The following WDR64 variants were observed in gnomAD, a reference collection of about 807,000 sequenced individuals.
WDR64 encodes the protein WD repeat-containing protein 64.
In WDR64, 112 loss-of-function variants were observed where a neutral mutation model predicts 139.3. That is an observed-to-expected ratio of 0.80 (90% confidence interval 0.69 to 0.94). WDR64 has a LOEUF of 0.94. WDR64 is among the 40% of genes least tolerant of loss of function. WDR64 has a pLI of 0.00. For synonymous variants in WDR64, 444 were observed against 437.7 expected (o/e 1.01, Z -0.18); for missense variants, 1,206 against 1,293.1 (o/e 0.93, Z 1.03).
chr1:241,784,976 A>AAAAAAAAAAAAAAAAAAAG (rs138513526), intron 23 of WDR64, among the ~76,000 whole-genome samples: 2,687 of 98,008 alleles, frequency 0.027, 454 homozygotes, highest in Non-Finnish European at 0.041. Flanking sequence ...AAAAAAAAAA[A>AAAAAAAAAAAAAAAAAAAG]GAAAGGACAT....
chr1:241,661,397 A>C (rs1415890161), intron 2 of WDR64, among the ~76,000 whole-genome samples: 1 of 151,956 alleles, frequency 6.6e-6, no homozygotes, highest in East Asian at 1.9e-4. Flanking sequence ...AAAGATAGCC[A>C]AATCCCCCAC....
chr1:241,773,048 T>C (rs1658521479), intron 20 of WDR64, 117 bp downstream of exon 20: 1 of 1,254,604 alleles, frequency 8.0e-7, no homozygotes, highest in Non-Finnish European at 1.0e-6. Flanking sequence ...TTCAACTTTC[T>C]AGCCAAATTG....
chr1:241,733,777 G>T (rs7367532), intron 10 of WDR64, among the ~76,000 whole-genome samples: 1 of 151,628 alleles, frequency 6.6e-6, no homozygotes, highest in South Asian at 2.1e-4. Flanking sequence ...TATCTCTGTC[G>T]TAAAGCCACT....
At chr1:241,705,549 AT>A (rs1187686182) in intron 8 of WDR64, among the ~76,000 whole-genome samples, 2 of 73,878 alleles carry the variant, frequency 2.7e-5, no homozygotes, top group African/African-American at 1.1e-4. Context: ...CTCTAAAAAA[AT>A]AAATAAATAA....
In WDR64 at chr1:241,687,489, G is replaced by A. The variant is rs1667052916; in HGVS notation, c.868G>A (p.Val290Ile). ...SVKRKLHNDW[V>I]MKIRYISALN... ...TAAAAGGAAGCTACATAATGACTGG[G>A]TTATGAAAATTAGATATATTTCAGC... Residue 290 changes from valine (V) to isoleucine (I), a missense_variant, in exon 8 of 28, where the codon GTT becomes ATT. Val to Ile is a conservative substitution (Grantham distance 29, BLOSUM62 3). Coordinates refer to ENST00000437684, the MANE Select transcript of WDR64 (RefSeq NM_001367482.1). The A allele has an allele frequency of 1.2e-6, 2 of 1,613,836 alleles. No homozygotes were observed. Among genetic ancestry groups the A allele is most frequent in the African/African-American group, 1.3e-5 (1 of 74,996 alleles).
rs372918720 is a variant in WDR64, at chr1:241,747,929, T to C, written c.1595-1618T>C. On this transcript the variant is annotated intron_variant, in intron 13 of 27. Transcript: ENST00000437684. The stretch of plus-strand genomic sequence containing the variant: ...TGTAAGAATTGCTGAGATCTGAGTG[T>C]AGGATAGCATGAGAGTACAGCGCTT... Among the ~76,000 whole-genome samples the C allele has an allele frequency of 6.4e-4, 97 of 152,264 alleles. 3 individuals carry two copies. In the South Asian group the frequency reaches 0.019, roughly 30 times the overall value.
intron 14 of WDR64, among the ~76,000 whole-genome samples, chr1:241,754,705 C>T (rs1413692517): frequency 6.6e-6 from 1 of 152,044 alleles, no homozygotes; most frequent in Non-Finnish European, 1.5e-5. Context: ...TTTCTCCTAA[C>T]ACCATTGCTC....
chr1:241,661,919 C>T (rs1223057256), intron 2 of WDR64, among the ~76,000 whole-genome samples: 1 of 152,178 alleles, frequency 6.6e-6, no homozygotes, highest in East Asian at 1.9e-4. Context: ...TGCTTCTGTG[C>T]TACAATAGGA....
chr1:241,669,482 G>A (rs1666142022), intron 2 of WDR64, among the ~76,000 whole-genome samples: 1 of 152,148 alleles, frequency 6.6e-6, no homozygotes, highest in African/African-American at 2.4e-5. Flanking sequence ...ATTAAACCTA[G>A]AGGGTTTTGT....
intron 9 of WDR64, among the ~76,000 whole-genome samples, chr1:241,722,858 G>T (rs926157979): frequency 2.6e-5 from 4 of 152,092 alleles, no homozygotes; most frequent in Admixed American, 2.0e-4. Context: ...GACAACAGTT[G>T]ATTTGTTATA....
intron 1 of WDR64, among the ~76,000 whole-genome samples, chr1:241,655,717 T>TTTTC (rs1301591991): frequency 3.9e-5 from 6 of 151,966 alleles, no homozygotes; most frequent in Non-Finnish European, 8.8e-5. Flanking sequence ...TTTTTTTTTT[T>TTTTC]TGATGCCTGT....
rs183348583 is a variant in WDR64, at chr1:241,737,680, C to T, written c.1195-683C>T. On this transcript the variant is annotated intron_variant, in intron 10 of 27. Coordinates refer to ENST00000437684, the MANE Select transcript of WDR64 (RefSeq NM_001367482.1). The stretch of plus-strand genomic sequence containing the variant: ...AAGCAGAATAGTGAAGAGGCTAAGA[C>T]CAGTTCTTTCAGATCACAGACTTAA... Among the ~76,000 whole-genome samples, 20 of 152,266 alleles carry T rather than the reference C, an allele frequency of 1.3e-4. No individual in the cohort carries two copies. In the South Asian group the frequency reaches 3.3e-3, roughly 25 times the overall value.
chr1:241,738,905 G>A (rs942593613), intron 11 of WDR64, among the ~76,000 whole-genome samples: 1 of 152,202 alleles, frequency 6.6e-6, no homozygotes, highest in Non-Finnish European at 1.5e-5. Flanking sequence ...GCTATGTATA[G>A]GGCAAATCCA....
chr1:241,708,820 G>A (rs1327161019), intron 8 of WDR64, among the ~76,000 whole-genome samples: 5 of 147,920 alleles, frequency 3.4e-5, no homozygotes, highest in East Asian at 2.0e-4. Flanking sequence ...GATGACAAGC[G>A]TGAGCCACTG....
intron 2 of WDR64, among the ~76,000 whole-genome samples, chr1:241,662,709 A>G (rs751927542): frequency 2.6e-5 from 4 of 152,176 alleles, no homozygotes; most frequent in Admixed American, 1.3e-4. Context: ...AGGGAAGAGG[A>G]GGACATTTTA....
intron 10 of WDR64, among the ~76,000 whole-genome samples, chr1:241,727,737 G>A (rs1319108822): frequency 2.0e-5 from 3 of 151,934 alleles, no homozygotes; most frequent in Admixed American, 2.0e-4. Context: ...TGATAAGTAT[G>A]GTAAGAAATA....
At chr1:241,680,170 A>G (rs1666723437) in intron 6 of WDR64, among the ~76,000 whole-genome samples, 1 of 152,164 alleles carries the variant, frequency 6.6e-6, no homozygotes, top group Non-Finnish European at 1.5e-5. Flanking sequence ...ATATGGTGCA[A>G]CGGGGACTCA....
chr1:241,750,666 G>A (rs1669944838), intron 14 of WDR64, among the ~76,000 whole-genome samples: 2 of 152,160 alleles, frequency 1.3e-5, no homozygotes, highest in African/African-American at 2.4e-5. Context: ...AAAGTAGCAT[G>A]GAACTATTCA....
At chr1:241,772,441 A>AAGAT (rs1371043365) in intron 19 of WDR64, among the ~76,000 whole-genome samples, 2 of 138,414 alleles carry the variant, frequency 1.4e-5, no homozygotes, top group African/African-American at 5.4e-5. Flanking sequence ...TGCAAATTCC[A>AAGAT]AGATAGATCC....
Sources: allele counts gnomAD v4.1 joint callset (sites outside exome capture counted in the v4.1 genomes callset), GRCh38; gene constraint gnomAD v4.1.1; transcripts MANE v1.5; gene names NCBI Gene and HGNC (gene_info 2026-07-23, HGNC 2026-07-21).